Variants in ARMC8 observed in about 807,000 individuals in gnomAD.
The protein encoded by ARMC8 is armadillo repeat-containing protein 8.
Under a neutral mutation model 99.3 loss-of-function variants are expected in ARMC8, and 20 were observed. That is an observed-to-expected ratio of 0.20 (90% CI 0.14 to 0.29). ARMC8 has a LOEUF of 0.29. Among genes scored for constraint, ARMC8 ranks in the 10% least tolerant of loss-of-function variants. The pLI, the probability that ARMC8 is intolerant of heterozygous loss-of-function variation, is 1.00. For missense variants in ARMC8, 569 were observed against 809.5 expected (o/e 0.70, Z 3.60); for synonymous variants, 263 against 278.3 (o/e 0.95, Z 0.55).
intron 20 of ARMC8, among the ~76,000 whole-genome samples, chr3:138,289,401 G>A (rs1358225808): frequency 6.6e-6 from 1 of 152,194 alleles, no homozygotes; most frequent in African/African-American, 2.4e-5. Flanking sequence ...CTGATGAGGA[G>A]GATGGTGAGA....
At chr3:138,266,611 A>C (rs2048309549) in intron 14 of ARMC8, among the ~76,000 whole-genome samples, 1 of 152,210 alleles carries the variant, frequency 6.6e-6, no homozygotes, top group Admixed American at 6.5e-5. Context: ...ATGAAGAAAT[A>C]CAGGCTCAGG....
chr3:138,193,733 CATAAA>C (rs1389598443), intron 1 of ARMC8, among the ~76,000 whole-genome samples: 1 of 152,126 alleles, frequency 6.6e-6, no homozygotes, highest in African/African-American at 2.4e-5. Flanking sequence ...TAGATTTTAT[CATAAA>C]ATAAAACTTT....
chr3:138,187,800 A>C (rs1296254128), intron 1 of ARMC8: 3 of 569,364 alleles, frequency 5.3e-6, no homozygotes, highest in African/African-American at 3.9e-5. Flanking sequence ...GACGTTTCCA[A>C]CTCCGGGAGC....
At chr3:138,216,010 T>TAATTACAGCTACTGC (rs748508900) in intron 2 of ARMC8, among the ~76,000 whole-genome samples, 254 of 151,462 alleles carry the variant, frequency 1.7e-3, no homozygotes, top group Non-Finnish European at 2.6e-3. Flanking sequence ...ACAGCTACTG[T>TAATTACAGCTACTGC]AATTACAGCT....
At chr3:138,251,564 AC>A (rs1308890695) in intron 12 of ARMC8, among the ~76,000 whole-genome samples, 2 of 152,186 alleles carry the variant, frequency 1.3e-5, no homozygotes, top group Non-Finnish European at 2.9e-5. Context: ...AAGCAAATCC[AC>A]CAAAGAATTT....
At chr3:138,264,089 G>A (rs2048018809) in intron 13 of ARMC8, 42 bp from the exon 14 acceptor site, 1 of 1,565,010 alleles carries the variant, frequency 6.4e-7, no homozygotes, top group Non-Finnish European at 8.8e-7. Context: ...AAAAGTAAAA[G>A]TTTTGATTTC....
intron 2 of ARMC8, among the ~76,000 whole-genome samples, chr3:138,214,022 C>T (rs1031336056): frequency 6.6e-6 from 1 of 151,836 alleles, no homozygotes; most frequent in Non-Finnish European, 1.5e-5. Flanking sequence ...CGTGGTGGTA[C>T]GTGCCTGTAG....
chr3:138,218,551 C>T (rs1469972478), intron 2 of ARMC8, among the ~76,000 whole-genome samples: 1 of 152,158 alleles, frequency 6.6e-6, no homozygotes, highest in Non-Finnish European at 1.5e-5. Context: ...CAAGTCCTGA[C>T]TATTGTCTAA....
chr3:138,221,478 A>T (rs554644016), intron 2 of ARMC8, among the ~76,000 whole-genome samples: 26 of 152,168 alleles, frequency 1.7e-4, no homozygotes, highest in Non-Finnish European at 3.4e-4. Flanking sequence ...GATAAAATGG[A>T]ATTGTAAGAA....
intron 5 of ARMC8, among the ~76,000 whole-genome samples, chr3:138,226,835 A>G (rs1191997035): frequency 1.3e-5 from 2 of 152,210 alleles, no homozygotes; most frequent in Non-Finnish European, 2.9e-5. Flanking sequence ...GCTGTTTTAC[A>G]TGAGAAAATT....
intron 2 of ARMC8, among the ~76,000 whole-genome samples, chr3:138,221,706 G>C (rs1178696266): frequency 6.6e-6 from 1 of 151,972 alleles, no homozygotes; most frequent in Non-Finnish European, 1.5e-5. Context: ...GAAGTCTTTC[G>C]CCAGTACTCA....
chr3:138,225,446 G>A (rs940173628), intron 5 of ARMC8, among the ~76,000 whole-genome samples: 3 of 152,070 alleles, frequency 2.0e-5, no homozygotes, highest in Non-Finnish European at 2.9e-5. Context: ...ATAGATTATT[G>A]TAAATTACAG....
chr3:138,294,445 C>T (rs748091503), intron 21 of ARMC8, among the ~76,000 whole-genome samples: 7 of 152,172 alleles, frequency 4.6e-5, no homozygotes, highest in Non-Finnish European at 7.3e-5. Context: ...CCTTGTAGAA[C>T]CCTACTTGCT....
At chr3:138,278,120 T>C (rs2049486828) in intron 18 of ARMC8, among the ~76,000 whole-genome samples, 1 of 152,172 alleles carries the variant, frequency 6.6e-6, no homozygotes, top group Admixed American at 6.5e-5. Flanking sequence ...AGGATTTGAC[T>C]ATAAAGGGAT....
At chr3:138,266,966 G>GTTAGTCCGTCATAA (rs1177914101) in intron 14 of ARMC8, among the ~76,000 whole-genome samples, 189 bp from the exon 15 acceptor site, 3 of 152,170 alleles carry the variant, frequency 2.0e-5, no homozygotes, top group Admixed American at 2.0e-4. Context: ...ATTTGAGGGC[G>GTTAGTCCGTCATAA]TTAGTCCGTC....
chr3:138,283,029 A>G (rs1290279231), intron 18 of ARMC8, among the ~76,000 whole-genome samples: 1 of 152,236 alleles, frequency 6.6e-6, no homozygotes, highest in Non-Finnish European at 1.5e-5. Context: ...TTGGGCACAT[A>G]AAGCCCTCCT....
chr3:138,207,458 A>G (rs1361649541), intron 1 of ARMC8, among the ~76,000 whole-genome samples: 1 of 152,200 alleles, frequency 6.6e-6, no homozygotes, highest in Non-Finnish European at 1.5e-5. Flanking sequence ...ATTGCTATTA[A>G]TGGGGGAAAC....
At chr3:138,189,715 TCTC>T (rs1193464737) in intron 1 of ARMC8, among the ~76,000 whole-genome samples, 5 of 152,172 alleles carry the variant, frequency 3.3e-5, no homozygotes, top group African/African-American at 1.2e-4. Flanking sequence ...CTTTATACCT[TCTC>T]CTTGGGAAAT....
At chr3:138,225,360 C>T (rs890098797) in intron 5 of ARMC8, among the ~76,000 whole-genome samples, 12 of 152,148 alleles carry the variant, frequency 7.9e-5, no homozygotes, top group African/African-American at 1.9e-4. Context: ...CTGCCCGCCT[C>T]GGCCTCCCAA....
Sources: allele counts gnomAD v4.1 joint callset (sites outside exome capture counted in the v4.1 genomes callset), GRCh38; gene constraint gnomAD v4.1.1; transcripts MANE v1.5; gene names NCBI Gene and HGNC (gene_info 2026-07-23, HGNC 2026-07-21).